The following GFPT1 variants were observed in gnomAD, a reference collection of about 807,000 sequenced individuals.
GFPT1 encodes glutamine--fructose-6-phosphate transaminase 1, also known as glutamine--fructose-6-phosphate aminotransferase [isomerizing] 1.
GFPT1 carries 40 observed loss-of-function variants against 92.0 expected under a neutral mutation model. The observed-to-expected ratio is 0.43, with a 90% CI of 0.34 to 0.57. The LOEUF (loss-of-function observed/expected upper bound fraction) is 0.57. Among genes scored for constraint, GFPT1 ranks in the 20% least tolerant of loss-of-function variants. The probability of loss-of-function intolerance (pLI) is 0.02; values close to 1 mark genes in which losing one functional copy is unlikely to be tolerated. For missense variants in GFPT1, 448 were observed against 869.1 expected, an observed-to-expected ratio of 0.52 and a Z score of 6.09; for synonymous variants, 269 against 280.6, an observed-to-expected ratio of 0.96 and a Z score of 0.41.
At chr2:69,380,657 T>C (rs1671987370) in intron 1 of GFPT1, among the ~76,000 whole-genome samples, 2 of 152,202 alleles carry the variant, frequency 1.3e-5, no homozygotes, top group Non-Finnish European at 2.9e-5. Flanking sequence ...TCTCTCTCTC[T>C]TCTGACCATT....
Position 69,326,131 on chromosome 2 carries a change from C to T in GFPT1, c.*58G>A, listed in dbSNP as rs933898632. ...ATATTTTAAATCAAGGTTTTAAATACAAAAGGTGTCTTGTGTTGCTTAATC... is the reference window on the plus strand; with the variant it reads ...ATATTTTAAATCAAGGTTTTAAATATAAAAGGTGTCTTGTGTTGCTTAATC... On this transcript the variant is annotated 3_prime_UTR_variant, in exon 20 of 20. Transcript: ENST00000357308. 5 of 1,122,104 alleles carry T rather than the reference C, an allele frequency of 4.5e-6. No individual in the cohort carries two copies. Among genetic ancestry groups the T allele is most frequent in the African/African-American group, 1.5e-5 (1 of 64,706 alleles). 69.5% of individuals were successfully genotyped at this position (1,122,104 alleles called of 1,614,324 possible).
At chr2:69,372,439 G>A (rs1188246022) in intron 2 of GFPT1, among the ~76,000 whole-genome samples, 1 of 152,064 alleles carries the variant, frequency 6.6e-6, no homozygotes, top group Non-Finnish European at 1.5e-5. Context: ...GCGTGGTGGT[G>A]CATGCCTGTT....
intron 1 of GFPT1, among the ~76,000 whole-genome samples, chr2:69,385,006 C>T (rs764114589): frequency 1.3e-5 from 2 of 152,100 alleles, no homozygotes; most frequent in Non-Finnish European, 2.9e-5. Flanking sequence ...ATTCTGAACC[C>T]TATCCCTAGA....
intron 2 of GFPT1, among the ~76,000 whole-genome samples, chr2:69,373,729 T>C (rs1671805884): frequency 6.6e-6 from 1 of 152,124 alleles, no homozygotes; most frequent in Non-Finnish European, 1.5e-5. Context: ...GAATTTAGAG[T>C]AAGACCTTCA....
intron 1 of GFPT1, among the ~76,000 whole-genome samples, chr2:69,386,778 G>C (rs1304748601): frequency 6.6e-6 from 1 of 152,068 alleles, no homozygotes; most frequent in Non-Finnish European, 1.5e-5. Flanking sequence ...TTTCAATAAA[G>C]GCGTTTCTCT....
chr2:69,328,157 G>A (rs547105081), intron 18 of GFPT1, 114 bp downstream of exon 18: 2 of 793,498 alleles, frequency 2.5e-6, no homozygotes, highest in East Asian at 5.1e-5. Flanking sequence ...CTCAAAGGCT[G>A]TATTCCAAAG....
intron 2 of GFPT1, among the ~76,000 whole-genome samples, chr2:69,372,984 C>T (rs1671787241): frequency 6.6e-6 from 1 of 152,206 alleles, no homozygotes; most frequent in Non-Finnish European, 1.5e-5. Context: ...TGAACATCTG[C>T]TCTTATTTTG....
chr2:69,331,202 C>CTTCA (rs1202163949), intron 15 of GFPT1, among the ~76,000 whole-genome samples: 1 of 152,142 alleles, frequency 6.6e-6, no homozygotes. Context: ...GGACAATGAA[C>CTTCA]CTTCACTACT....
intron 15 of GFPT1, among the ~76,000 whole-genome samples, chr2:69,335,854 C>T (rs1469582471): frequency 6.6e-6 from 1 of 151,830 alleles, no homozygotes; most frequent in South Asian, 2.1e-4. Flanking sequence ...AACTCCGTCT[C>T]TACAAAAAAA....
Position 69,348,330 on chromosome 2 carries a change from C to G in GFPT1, c.850G>C (p.Val284Leu). 6.2e-7 allele frequency: 1 copy of G among 1,610,608 alleles called. No homozygotes were observed. The highest frequency in any genetic ancestry group is 8.5e-7 in the Non-Finnish European group (1 of 1,176,828). ...EYYFASDASA[V>L]IEHTNRVIFL... ...ATGACGCGATTGGTGTGTTCTATGA[C>G]AGCACTATAAAGTTTTCAAGGAGAT... Residue 284 changes from valine (V) to leucine (L), a missense_variant, in exon 11 of 20, where the codon GTC (valine) becomes CTC (leucine). Physicochemically the swap from Val to Leu is conservative, Grantham distance 32. This residue lies in a region of GFPT1 where 121 missense variants were observed against 304.3 expected (regional missense o/e 0.40). Coordinates refer to ENST00000357308, the MANE Select transcript of GFPT1 (RefSeq NM_001244710.2).
intron 15 of GFPT1, among the ~76,000 whole-genome samples, chr2:69,330,732 A>G (rs1374675474): frequency 6.6e-6 from 1 of 152,138 alleles, no homozygotes; most frequent in African/African-American, 2.4e-5. Flanking sequence ...TTTTCTTTAC[A>G]CAGTTAAGAA....
At chr2:69,344,332 G>C (rs1671029386) in intron 12 of GFPT1, among the ~76,000 whole-genome samples, 1 of 152,164 alleles carries the variant, frequency 6.6e-6, no homozygotes, top group African/African-American at 2.4e-5. Context: ...ATTTCTGGTG[G>C]CTGAGGATAG....
rs1182491693 is a variant in GFPT1 at position 69,323,073 on chromosome 2, G to A, written c.*3116C>T. ...ACACTTGTTGACATAGTTATAATAA[G>A]CTAAAAATAGTTAACATTAATTTTT... On this transcript the variant is annotated 3_prime_UTR_variant, in exon 20 of 20. Coordinates refer to ENST00000357308, the MANE Select transcript of GFPT1 (RefSeq NM_001244710.2). The A allele has an allele frequency of 1.3e-5, 2 of 152,140 alleles. No homozygotes were observed. The highest frequency in any genetic ancestry group is 1.9e-4 in the East Asian group (1 of 5,200). The allele number at this position is 152,140 out of a possible 1,614,324, so 9.4% of individuals were successfully genotyped here. A position where few individuals can be genotyped will look rare whatever the true frequency, so the allele number is the denominator to read the frequency against.
At chr2:69,386,509 T>A (rs936353620) in intron 1 of GFPT1, among the ~76,000 whole-genome samples, 1 of 152,246 alleles carries the variant, frequency 6.6e-6, no homozygotes, top group African/African-American at 2.4e-5. Flanking sequence ...ACCAAGTTAT[T>A]GATTAGCAAT....
chr2:69,383,029 G>C (rs1353752387), intron 1 of GFPT1, among the ~76,000 whole-genome samples: 1 of 152,208 alleles, frequency 6.6e-6, no homozygotes, highest in East Asian at 1.9e-4. Flanking sequence ...AGAGTGCCAA[G>C]TATAAAGCCA....
chr2:69,352,513 T>C (rs1329014304), intron 9 of GFPT1, among the ~76,000 whole-genome samples: 1 of 140,878 alleles, frequency 7.1e-6, no homozygotes, highest in Non-Finnish European at 1.5e-5. Flanking sequence ...CTCAGGAGGC[T>C]GAGGCAAGAC....
At chr2:69,339,265 A>G (rs887245954) in intron 13 of GFPT1, among the ~76,000 whole-genome samples, 3 of 152,200 alleles carry the variant, frequency 2.0e-5, no homozygotes, top group Non-Finnish European at 4.4e-5. Flanking sequence ...ATGTACAAAT[A>G]TATAGAGAAA....
In GFPT1 at chr2:69,372,550, GT is replaced by G. The variant is rs1671776856; in HGVS notation, c.115+1455del. Among the ~76,000 whole-genome samples the G allele has an allele frequency of 4.6e-5, 7 of 152,098 alleles. No homozygotes were observed. The South Asian group carries it at 1.5e-3, about 32-fold the overall frequency. On this transcript the variant is annotated intron_variant, in intron 2 of 19. Transcript: ENST00000357308. ...ATCGCACCATTGCACTCCAGCCTGG[GT>G]GACAGAGCAAGACTCACCTCAAAAA...
intron 15 of GFPT1, among the ~76,000 whole-genome samples, chr2:69,335,033 G>T (rs1670758782): frequency 6.6e-6 from 1 of 151,860 alleles, no homozygotes; most frequent in African/African-American, 2.4e-5. Flanking sequence ...TTAAGACAGG[G>T]TCTCACTCTA....
Sources: allele counts gnomAD v4.1 joint callset (sites outside exome capture counted in the v4.1 genomes callset), GRCh38; gene constraint gnomAD v4.1.1; regional missense constraint gnomAD v4.1.1; transcripts MANE v1.5; gene names NCBI Gene and HGNC (gene_info 2026-07-23, HGNC 2026-07-21).